The following METTL15 variants were observed in gnomAD, a reference collection of about 807,000 sequenced individuals.
METTL15 encodes the protein 12S rRNA N(4)-cytidine methyltransferase METTL15.
In METTL15, 34 loss-of-function variants were observed where a neutral mutation model predicts 38.3. That is an observed-to-expected ratio of 0.89 (90% CI 0.68 to 1.18). The LOEUF is 1.18. Among genes scored for constraint, METTL15 ranks in the 50% most tolerant of loss-of-function variants. The pLI is 0.00. For synonymous variants in METTL15, 162 were observed against 170.9 expected, an observed-to-expected ratio of 0.95 and a Z score of 0.41; for missense variants, 438 against 498.4, an observed-to-expected ratio of 0.88 and a Z score of 1.15.
At chr11:28,346,724 G>T (rs1849999094) in intron 3 of METTL15, among the ~76,000 whole-genome samples, 1 of 152,152 alleles carries the variant, frequency 6.6e-6, no homozygotes, top group African/African-American at 2.4e-5. Flanking sequence ...CTACTAAATA[G>T]AAGTCAAATT....
chr11:28,191,681 C>T (rs965480531), intron 3 of METTL15, among the ~76,000 whole-genome samples: 10 of 151,166 alleles, frequency 6.6e-5, no homozygotes, highest in South Asian at 4.2e-4. Context: ...TCTTTTGGCA[C>T]GGAAATATTT....
At chr11:28,142,492 G>T (rs1040061188) in intron 3 of METTL15, among the ~76,000 whole-genome samples, 1 of 152,170 alleles carries the variant, frequency 6.6e-6, no homozygotes, top group Non-Finnish European at 1.5e-5. Context: ...TGGAAAGTCA[G>T]ATAACTTTTT....
At chr11:28,148,192 T>C (rs1046547540) in intron 3 of METTL15, among the ~76,000 whole-genome samples, 2 of 151,964 alleles carry the variant, frequency 1.3e-5, no homozygotes, top group African/African-American at 4.8e-5. Flanking sequence ...ATTAACTGGA[T>C]GTTTAGAGTT....
intron 3 of METTL15, among the ~76,000 whole-genome samples, chr11:28,127,690 T>C (rs2133622371): frequency 6.6e-6 from 1 of 152,254 alleles, no homozygotes; most frequent in East Asian, 1.9e-4. Context: ...AAAGAAGCAT[T>C]TTATTGCTAT....
At chr11:28,450,417 TA>T (rs1851110387) in intron 6 of METTL15, among the ~76,000 whole-genome samples, 1 of 152,276 alleles carries the variant, frequency 6.6e-6, no homozygotes, top group South Asian at 2.1e-4. Flanking sequence ...TTTCTTTTTC[TA>T]ATCTGTAAAA....
At chr11:28,310,845 T>C (rs1031460149) in intron 6 of METTL15, among the ~76,000 whole-genome samples, 7 of 151,044 alleles carry the variant, frequency 4.6e-5, no homozygotes, top group Admixed American at 4.6e-4. Flanking sequence ...TCTCCACCAG[T>C]TGAAATATTT....
chr11:28,237,675 G>A (rs913020472), intron 4 of METTL15, among the ~76,000 whole-genome samples: 12 of 152,128 alleles, frequency 7.9e-5, no homozygotes, highest in African/African-American at 2.4e-4. Context: ...GAGGAGAGGC[G>A]CTCTGTTTTT....
chr11:28,262,613 C>A (rs949589939), intron 4 of METTL15, among the ~76,000 whole-genome samples: 10 of 152,178 alleles, frequency 6.6e-5, no homozygotes, highest in East Asian at 1.9e-4. Flanking sequence ...CTAAAAATTT[C>A]TCTTCTCACT....
At position 28,233,329 on chromosome 11, in the gene METTL15, A is replaced by G. The variant is rs181227360; in HGVS notation, c.407+22131A>G. On this transcript the variant is annotated intron_variant, in intron 4 of 6. Transcript: ENST00000407364. ...CTTTGGAAGTAATCAGGATAGTTAT[A>G]AGACAGAATATGAAAATACATGTTT... Among the ~76,000 whole-genome samples, 139 of 152,250 alleles carry G rather than the reference A, an allele frequency of 9.1e-4. 1 individual carries two copies. Among genetic ancestry groups the G allele is most frequent in the African/African-American group, 3.3e-3 (138 of 41,566 alleles).
chr11:28,185,237 A>C (rs767012341), intron 3 of METTL15, among the ~76,000 whole-genome samples: 28 of 151,486 alleles, frequency 1.8e-4, no homozygotes, highest in Non-Finnish European at 4.1e-4. Flanking sequence ...GATTAAATTG[A>C]ATCCCATTTT....
At chr11:28,457,743 C>T (rs904033460) in intron 6 of METTL15, among the ~76,000 whole-genome samples, 2 of 152,308 alleles carry the variant, frequency 1.3e-5, no homozygotes, top group South Asian at 4.1e-4. Flanking sequence ...AGGAGGAGAT[C>T]ACTTATTACA....
At chr11:28,491,235 G>A (rs1851492190) in intron 6 of METTL15, among the ~76,000 whole-genome samples, 1 of 152,136 alleles carries the variant, frequency 6.6e-6, no homozygotes, top group South Asian at 2.1e-4. Flanking sequence ...GTACAAAGCT[G>A]TAGTCCAGCT....
chr11:28,310,640 A>G (rs1411459997), intron 6 of METTL15, among the ~76,000 whole-genome samples: 2 of 152,078 alleles, frequency 1.3e-5, no homozygotes, highest in African/African-American at 2.4e-5. Context: ...TTACGGATAC[A>G]TTTGATCCCA....
intron 5 of METTL15, among the ~76,000 whole-genome samples, chr11:28,292,724 T>C (rs1856568395): frequency 6.6e-6 from 1 of 152,124 alleles, no homozygotes; most frequent in Non-Finnish European, 1.5e-5. Context: ...GCGCCTGTTG[T>C]TTCCTGACTT....
intron 6 of METTL15, among the ~76,000 whole-genome samples, chr11:28,307,505 C>T (rs1031015968): frequency 7.2e-5 from 11 of 151,924 alleles, no homozygotes; most frequent in African/African-American, 2.4e-4. Context: ...AGCATATAGG[C>T]ACTTGCTATT....
At chr11:28,526,583 A>C (rs55778243) in intron 7 of METTL15, 2 of 152,198 alleles carry the variant, frequency 1.3e-5, no homozygotes, top group South Asian at 4.1e-4. Flanking sequence ...TTCTTTTGCT[A>C]TTTTCAAGAT....
intron 6 of METTL15, among the ~76,000 whole-genome samples, chr11:28,483,671 T>A (rs544601902): frequency 5.3e-5 from 8 of 152,294 alleles, no homozygotes; most frequent in Non-Finnish European, 7.4e-5. Flanking sequence ...ATGGGCAATA[T>A]GTCAATAAAT....
intron 6 of METTL15, among the ~76,000 whole-genome samples, chr11:28,434,995 C>A (rs920199678): frequency 1.3e-5 from 2 of 152,200 alleles, no homozygotes; most frequent in Non-Finnish European, 2.9e-5. Flanking sequence ...CCAAACAAGT[C>A]ATCTGTTTAA....
intron 3 of METTL15, among the ~76,000 whole-genome samples, chr11:28,150,814 A>C (rs1378649326): frequency 6.6e-6 from 1 of 151,802 alleles, no homozygotes; most frequent in East Asian, 1.9e-4. Flanking sequence ...GTCTTTATTT[A>C]TCAAAGGTAT....
Sources: allele counts gnomAD v4.1 joint callset (sites outside exome capture counted in the v4.1 genomes callset), GRCh38; gene constraint gnomAD v4.1.1; transcripts MANE v1.5; gene names NCBI Gene and HGNC (gene_info 2026-07-23, HGNC 2026-07-21).